N4BP2L2: variants seen among roughly 807,000 people sequenced by gnomAD.
The protein encoded by N4BP2L2 is NEDD4 binding protein 2 like 2, also known as NEDD4-binding protein 2-like 2.
Under a neutral mutation model 56.2 loss-of-function variants are expected in N4BP2L2, and 50 were observed. That is an observed-to-expected ratio of 0.89 (90% CI 0.71 to 1.13). The LOEUF (loss-of-function observed/expected upper bound fraction) is 1.13. Ranked by LOEUF, N4BP2L2 falls within the 50% of genes most tolerant of loss-of-function variation. The probability of loss-of-function intolerance (pLI) is 0.00; values close to 1 mark genes in which losing one functional copy is unlikely to be tolerated. For missense variants in N4BP2L2, 689 were observed against 693.8 expected (o/e 0.99, Z 0.08); for synonymous variants, 203 against 223.6 (o/e 0.91, Z 0.82).
At position 32,503,027 on chromosome 13, in the gene N4BP2L2, G is replaced by A. The variant is rs549227314; in HGVS notation, c.365+14830C>T. 7.9e-5 allele frequency among the ~76,000 whole-genome samples: 12 copies of A among 151,884 alleles called. No individual in the cohort carries two copies. The South Asian group carries it at 2.5e-3, about 32-fold the overall frequency. ...ATCTCTACTAAAAATGCAAAAATTA[G>A]TCGGGCGTGGTGGTAGGCACCTGTA... On this transcript the variant is annotated intron_variant, in intron 6 of 9. Coordinates refer to the N4BP2L2 transcript ENST00000357505.
chr13:32,462,783 T>C (rs1347868579), intron 6 of N4BP2L2, among the ~76,000 whole-genome samples: 6 of 146,344 alleles, frequency 4.1e-5, no homozygotes. Context: ...CCCAGCACTT[T>C]GGGAGGTCAA....
At chr13:32,519,699 C>T (rs148098882) in intron 5 of N4BP2L2, among the ~76,000 whole-genome samples, 1 of 151,826 alleles carries the variant, frequency 6.6e-6, no homozygotes, top group Admixed American at 6.6e-5. Flanking sequence ...GCCTGGGTGA[C>T]AGCAGTAGAC....
At chr13:32,436,145 A>G (rs939013716) in intron 9 of N4BP2L2, among the ~76,000 whole-genome samples, 1 of 151,742 alleles carries the variant, frequency 6.6e-6, no homozygotes, top group Non-Finnish European at 1.5e-5. Context: ...GGGAGCAACA[A>G]TCTAAGCTTT....
intron 6 of N4BP2L2, among the ~76,000 whole-genome samples, chr13:32,465,662 G>C (rs1026015371): frequency 6.6e-6 from 1 of 152,072 alleles, no homozygotes; most frequent in African/African-American, 2.4e-5. Flanking sequence ...TTTTAGTTTT[G>C]TTTCTTTTTG....
intron 2 of N4BP2L2, among the ~76,000 whole-genome samples, chr13:32,528,672 T>G (rs1237187073): frequency 1.3e-5 from 2 of 152,192 alleles, no homozygotes; most frequent in Non-Finnish European, 2.9e-5. Flanking sequence ...ATTAGGCATT[T>G]GGATATCACT....
At chr13:32,476,681 A>G (rs1221868789) in intron 6 of N4BP2L2, among the ~76,000 whole-genome samples, 1 of 152,218 alleles carries the variant, frequency 6.6e-6, no homozygotes, top group Non-Finnish European at 1.5e-5. Flanking sequence ...AAAATAACAG[A>G]ATACATTGGA....
chr13:32,458,214 G>A (rs967486655), intron 6 of N4BP2L2, among the ~76,000 whole-genome samples: 5 of 152,030 alleles, frequency 3.3e-5, no homozygotes, highest in Non-Finnish European at 7.4e-5. Context: ...ACAGGCACCC[G>A]CCACCACACC....
exon 6 of N4BP2L2, chr13:32,516,935 C>T: frequency 1.0e-6 from 1 of 982,160 alleles, no homozygotes; most frequent in Non-Finnish European, 1.2e-6. Flanking sequence ...AGAAACACAT[C>T]TAAAAACTAT....
chr13:32,453,018 G>C (rs529258020), intron 6 of N4BP2L2, among the ~76,000 whole-genome samples: 36 of 152,220 alleles, frequency 2.4e-4, no homozygotes, highest in Non-Finnish European at 4.6e-4. Flanking sequence ...CAGCACTTTG[G>C]GAGGCTGAGG....
Position 32,442,494 on chromosome 13 carries a change from G to A in N4BP2L2, c.1998C>T (p.Asp666=), listed in dbSNP as rs370294682. The A allele has an allele frequency of 2.5e-6, 4 of 1,613,564 alleles. No individual in the cohort carries two copies. In the African/African-American group the frequency reaches 4.0e-5, roughly 16 times the overall value. The stretch of plus-strand genomic sequence containing the variant: ...AGTCAGTGCTTGTTAAGTCTTGGCT[G>A]TCCTCAGCTGGTAATTCCTTAGGTT... Residue 666 remains aspartate, a synonymous_variant, in exon 7 of 10, where the codon GAC becomes GAT. Coordinates refer to the N4BP2L2 transcript ENST00000357505.
At chr13:32,458,009 A>G (rs945120634) in intron 6 of N4BP2L2, among the ~76,000 whole-genome samples, 8 of 151,490 alleles carry the variant, frequency 5.3e-5, no homozygotes, top group Admixed American at 6.6e-5. Flanking sequence ...CACTTAAAAG[A>G]TACAGACTGG....
intron 5 of N4BP2L2, among the ~76,000 whole-genome samples, chr13:32,519,463 C>T (rs921372300): frequency 6.6e-6 from 1 of 152,020 alleles, no homozygotes; most frequent in Non-Finnish European, 1.5e-5. Context: ...CAAGACCAGC[C>T]TAACCAACAT....
chr13:32,523,018 T>C (rs2051428693), intron 3 of N4BP2L2: 1 of 152,194 alleles, frequency 6.6e-6, no homozygotes, highest in Non-Finnish European at 1.5e-5. Flanking sequence ...GTCCTCAAAT[T>C]GTGAGTTGCT....
Position 32,439,499 on chromosome 13 carries a change from T to C in N4BP2L2, c.2105-762A>G, listed in dbSNP as rs561566318. ...AGTGATTGCTAATCTTTTTGCATCA[T>C]AGACCCCTCTGAGGAGCCGATTAAA... On this transcript the variant is annotated intron_variant, in intron 7 of 9. Transcript: ENST00000357505. Among the ~76,000 whole-genome samples the C allele has an allele frequency of 6.6e-5, 10 of 152,272 alleles. No individual in the cohort carries two copies. The South Asian group carries it at 1.9e-3, about 28-fold the overall frequency.
chr13:32,453,418 G>A (rs539809577), intron 6 of N4BP2L2, among the ~76,000 whole-genome samples: 1 of 151,952 alleles, frequency 6.6e-6, no homozygotes, highest in African/African-American at 2.4e-5. Flanking sequence ...CAGCAACCGG[G>A]CAAAATGTTT....
At chr13:32,456,822 C>T (rs1241397782) in intron 6 of N4BP2L2, among the ~76,000 whole-genome samples, 2 of 152,024 alleles carry the variant, frequency 1.3e-5, no homozygotes, top group Non-Finnish European at 2.9e-5. Flanking sequence ...TTTAAATAAC[C>T]CAGTCAGACA....
intron 8 of N4BP2L2, among the ~76,000 whole-genome samples, chr13:32,436,847 AAATATCT>A (rs1293240620): frequency 1.4e-5 from 2 of 139,650 alleles, no homozygotes; most frequent in Non-Finnish European, 3.1e-5. Context: ...AAACACCTAT[AAATATCT>A]AATATCTATC....
At chr13:32,514,180 T>G (rs2048705785) in exon 6 of N4BP2L2, 2 of 151,886 alleles carry the variant, frequency 1.3e-5, no homozygotes, top group African/African-American at 4.8e-5. Flanking sequence ...GACAAAAATA[T>G]AAAAAAGCTA....
downstream of N4BP2L2, chr13:32,507,693 G>C (rs1261872700): frequency 6.6e-6 from 1 of 152,256 alleles, no homozygotes; most frequent in Non-Finnish European, 1.5e-5. Flanking sequence ...ACAGTTCAAA[G>C]AGGCCAGTAT....
Sources: gnomAD v4.1 joint callset for allele counts (sites outside exome capture counted in the v4.1 genomes callset) on GRCh38, gnomAD v4.1.1 for gene constraint, MANE v1.5 for transcripts, NCBI Gene and HGNC (gene_info 2026-07-23, HGNC 2026-07-21) for gene names.